IPO5: variants seen among roughly 807,000 people sequenced by gnomAD.
IPO5 encodes the protein importin-5.
IPO5 carries 18 observed loss-of-function variants against 143.3 expected under a neutral mutation model. That is an observed-to-expected ratio of 0.13 (90% CI 0.09 to 0.19). The LOEUF (loss-of-function observed/expected upper bound fraction) is 0.19, where lower values mean the gene tolerates loss of function less well. IPO5 is among the 10% of genes least tolerant of loss of function. The probability of loss-of-function intolerance (pLI) is 1.00; values close to 1 mark genes in which losing one functional copy is unlikely to be tolerated. For synonymous variants in IPO5, 477 were observed against 465.7 expected, an observed-to-expected ratio of 1.02 and a Z score of -0.31; for missense variants, 1,013 against 1,336.9, an observed-to-expected ratio of 0.76 and a Z score of 3.78.
At position 98,014,314 on chromosome 13, in the gene IPO5, G is replaced by A. The variant is rs1468422414; in HGVS notation, c.2325+100G>A. ...AAAATTTGAGACAGGGTATTGCTCT[G>A]TCACCCAGGCTGGAGTGCAGTGGCG... On this transcript the variant is annotated intron_variant, in intron 22 of 28. Transcript: ENST00000651721. 9.4e-6 allele frequency: 8 copies of A among 853,458 alleles called. No individual in the cohort carries two copies. In the African/African-American group the frequency reaches 1.4e-4, roughly 15 times the overall value. The allele number at this position is 853,458 out of a possible 1,614,324, so 52.9% of individuals were successfully genotyped here.
At chr13:97,977,378 C>G (rs1238329186) in intron 4 of IPO5, among the ~76,000 whole-genome samples, 1 of 152,298 alleles carries the variant, frequency 6.6e-6, no homozygotes, top group Middle Eastern at 3.4e-3. Context: ...TTCCCTACCC[C>G]CTCCCACCTC....
chr13:98,004,346 T>A (rs1169204335), intron 16 of IPO5, among the ~76,000 whole-genome samples: 1 of 152,160 alleles, frequency 6.6e-6, no homozygotes, highest in African/African-American at 2.4e-5. Flanking sequence ...AAGGCCCAAG[T>A]GCTCAGTATC....
intron 21 of IPO5, 55 bp from the exon 22 acceptor site, chr13:98,013,987 T>G: frequency 6.5e-7 from 1 of 1,531,472 alleles, no homozygotes; most frequent in Non-Finnish European, 8.8e-7. Flanking sequence ...CATTGAACCC[T>G]TTAACATTTA....
chr13:97,983,544 C>CG (rs1887039543), intron 5 of IPO5, among the ~76,000 whole-genome samples: 1 of 131,782 alleles, frequency 7.6e-6, no homozygotes, highest in Non-Finnish European at 1.6e-5. Context: ...TCCACCCCCC[C>CG]CCCCCACCGT....
Position 97,976,684 on chromosome 13 carries a change from C to G in IPO5, c.-4-9C>G. On this transcript the variant is annotated splice_polypyrimidine_tract_variant and intron_variant, in intron 3 of 28. Transcript: ENST00000651721. ...CTGTCTCCCCTCCCTCCTTCTCTCT[C>G]ACGCCTAGCGCAATGGCGGCGGCCG... 1 of 1,334,900 alleles carries G rather than the reference C, an allele frequency of 7.5e-7. No homozygotes were observed. Among genetic ancestry groups the G allele is most frequent in the Non-Finnish European group, 9.9e-7 (1 of 1,008,876 alleles). The allele number at this position is 1,334,900 out of a possible 1,614,324, so 82.7% of individuals were successfully genotyped here. A position where few individuals can be genotyped will look rare whatever the true frequency, so the allele number is the denominator to read the frequency against.
chr13:97,989,003 TC>T, intron 6 of IPO5, 58 bp from the exon 7 acceptor site: 1 of 894,424 alleles, frequency 1.1e-6, no homozygotes, highest in Non-Finnish European at 1.9e-6. Flanking sequence ...AAGGATTTAC[TC>T]CTAGTATATT....
intron 2 of IPO5, chr13:97,963,395 G>A (rs1422023189): frequency 2.0e-5 from 3 of 149,190 alleles, no homozygotes; most frequent in Non-Finnish European, 4.4e-5. Context: ...TTTTGAGACG[G>A]AGTCTAGCTC....
chr13:98,015,144 A>G (rs1211616032), intron 22 of IPO5, among the ~76,000 whole-genome samples: 2 of 151,784 alleles, frequency 1.3e-5, no homozygotes, highest in Non-Finnish European at 2.9e-5. Flanking sequence ...ACCTTTGCCT[A>G]TATTTTATTT....
intron 2 of IPO5, among the ~76,000 whole-genome samples, chr13:97,955,507 G>A (rs948436254): frequency 6.6e-6 from 1 of 152,116 alleles, no homozygotes; most frequent in African/African-American, 2.4e-5. Context: ...CCAAAACACA[G>A]GCAGAAATAT....
Position 97,993,207 on chromosome 13 carries a change from A to T in IPO5, c.895A>T (p.Asn299Tyr). 6.2e-7 allele frequency: 1 copy of T among 1,614,014 alleles called. No individual in the cohort carries two copies. Among genetic ancestry groups the T allele is most frequent in the Non-Finnish European group, 8.5e-7 (1 of 1,179,934 alleles). Residue 299 changes from asparagine to tyrosine, a missense_variant, in exon 11 of 29, where the codon AAT becomes TAT. By Grantham distance (143) the Asn-to-Tyr change is moderately radical. Transcript: ENST00000651721. Reference sequence around the variant, plus strand: ...AGCTGCTATGTTAAGAAAACATACCAATATTGTTGCACAGACTAGTAAGTC... The same window carrying T: ...AGCTGCTATGTTAAGAAAACATACCTATATTGTTGCACAGACTAGTAAGTC... ...TAAAMLRKHT[N>Y]IVAQTIPQML...
rs140562728 is a variant in IPO5, at chr13:98,017,241, C to CATATATAT, written c.2616+399_2616+406dup. Among the ~76,000 whole-genome samples the CATATATAT allele has an allele frequency of 2.7e-4, 40 of 148,162 alleles. No homozygotes were observed. The East Asian group carries it at 6.8e-3, about 25-fold the overall frequency. On this transcript the variant is annotated intron_variant, in intron 25 of 28. Coordinates refer to ENST00000651721, the MANE Select transcript of IPO5 (RefSeq NM_002271.6). ...GCAATCATGGATTATGGATAATGGG[C>CATATATAT]ATATATATATATATATGTATTTTTT...
intron 2 of IPO5, among the ~76,000 whole-genome samples, chr13:97,966,766 C>T (rs1427436152): frequency 6.6e-6 from 1 of 152,158 alleles, no homozygotes; most frequent in African/African-American, 2.4e-5. Context: ...CAGCTGGGCG[C>T]AGTGGCTCAC....
chr13:98,015,719 G>C lies in IPO5; in HGVS notation c.2438-7G>C. 6.2e-7 allele frequency: 1 copy of C among 1,607,304 alleles called. No homozygotes were observed. The highest frequency in any genetic ancestry group is 8.5e-7 in the Non-Finnish European group (1 of 1,174,798). On this transcript the variant is annotated splice_polypyrimidine_tract_variant and splice_region_variant and intron_variant, in intron 23 of 28. Transcript: ENST00000651721. The stretch of plus-strand genomic sequence containing the variant: ...TCATTTAAAACATTTATTTGGGTGT[G>C]TTTTAGTTAAAAGACAAGATGAAGA...
chr13:97,979,143 A>G (rs955586826), intron 4 of IPO5, among the ~76,000 whole-genome samples: 3 of 152,222 alleles, frequency 2.0e-5, no homozygotes, highest in Non-Finnish European at 4.4e-5. Flanking sequence ...CAAATGAAAT[A>G]AAATTAGCAT....
Position 97,989,167 on chromosome 13 carries a change from A to G in IPO5, c.467+3A>G, listed in dbSNP as rs1359001062. The G allele has an allele frequency of 2.6e-6, 4 of 1,530,960 alleles. No homozygotes were observed. The highest frequency in any genetic ancestry group is 1.7e-5 in the Admixed American group (1 of 59,368). The allele number at this position is 1,530,960 out of a possible 1,614,324, so 94.8% of individuals were successfully genotyped here. ...GAAGCTGCCCTTCACATTTTCTGGT[A>G]TATACATTAATCTAGTTTTTTGAGA... On this transcript the variant is annotated splice_donor_region_variant and intron_variant, in intron 7 of 28. Coordinates refer to ENST00000651721, the MANE Select transcript of IPO5 (RefSeq NM_002271.6).
At chr13:97,963,451 T>C (rs1832339) in intron 2 of IPO5, among the ~76,000 whole-genome samples, 94,968 of 150,358 alleles carry the variant, frequency 0.63, 31,455 homozygotes, top group African/African-American at 0.86. Flanking sequence ...CTCACTGCAA[T>C]CTCCGCCTCC....
chr13:97,973,033 ATCTT>A (rs1885953404), intron 3 of IPO5, among the ~76,000 whole-genome samples: 1 of 116,880 alleles, frequency 8.6e-6, no homozygotes, highest in Admixed American at 1.0e-4. Context: ...ATTTTCTTTT[ATCTT>A]CTTTTTTTTT....
At chr13:98,015,062 C>T (rs1238175017) in intron 22 of IPO5, among the ~76,000 whole-genome samples, 1 of 152,116 alleles carries the variant, frequency 6.6e-6, no homozygotes, top group African/African-American at 2.4e-5. Context: ...TTCTCAGCAT[C>T]TTTATATGTC....
chr13:97,998,549 T>C (rs1310973063), intron 12 of IPO5, among the ~76,000 whole-genome samples: 1 of 152,186 alleles, frequency 6.6e-6, no homozygotes, highest in Non-Finnish European at 1.5e-5. Context: ...GTATTACTAT[T>C]GTACTTATTT....
Sources: gnomAD v4.1 joint callset for allele counts (sites outside exome capture counted in the v4.1 genomes callset) on GRCh38, gnomAD v4.1.1 for gene constraint, MANE v1.5 for transcripts, NCBI Gene and HGNC (gene_info 2026-07-23, HGNC 2026-07-21) for gene names.